ACYP2: variants seen among roughly 807,000 people sequenced by gnomAD.
The protein encoded by ACYP2 is acylphosphatase 2, also known as acylphosphatase-2.
Under a neutral mutation model 11.2 loss-of-function variants are expected in ACYP2, and 12 were observed. The ratio of observed to expected loss-of-function variants is 1.08; its 90% confidence interval spans 0.69 to 1.74. The LOEUF (loss-of-function observed/expected upper bound fraction) is 1.74, where lower values mean the gene tolerates loss of function less well. Among genes scored for constraint, ACYP2 ranks in the 40% most tolerant of loss-of-function variants. The pLI is 0.00. For missense variants in ACYP2, 134 were observed against 101.9 expected, an observed-to-expected ratio of 1.31 and a Z score of -1.35; for synonymous variants, 43 against 32.2, an observed-to-expected ratio of 1.33 and a Z score of -1.13.
At chr2:54,124,937 A>C (rs759256367) in intron 4 of ACYP2, among the ~76,000 whole-genome samples, 6 of 152,106 alleles carry the variant, frequency 3.9e-5, no homozygotes, top group Non-Finnish European at 1.5e-5. Context: ...TATTTTTTGT[A>C]GAGATGGGGT....
At chr2:54,128,254 C>T (rs1449931182) in intron 4 of ACYP2, among the ~76,000 whole-genome samples, 1 of 152,186 alleles carries the variant, frequency 6.6e-6, no homozygotes, top group Non-Finnish European at 1.5e-5. Flanking sequence ...AGTCTATCTT[C>T]TTTGATGGAC....
chr2:54,032,068 T>C (rs970501555), intron 2 of ACYP2, among the ~76,000 whole-genome samples: 1 of 152,164 alleles, frequency 6.6e-6, no homozygotes, highest in Non-Finnish European at 1.5e-5. Flanking sequence ...TTCTCCCATT[T>C]TGTAGGTTGC....
intron 4 of ACYP2, among the ~76,000 whole-genome samples, chr2:54,093,601 G>A (rs1442590914): frequency 6.6e-6 from 1 of 152,138 alleles, no homozygotes; most frequent in African/African-American, 2.4e-5. Flanking sequence ...CTCTTTTAGA[G>A]ACTTAGTTTT....
At chr2:54,175,968 G>A (rs369352733) in intron 6 of ACYP2, among the ~76,000 whole-genome samples, 1 of 152,114 alleles carries the variant, frequency 6.6e-6, no homozygotes, top group Non-Finnish European at 1.5e-5. Flanking sequence ...GCCTTGGAGA[G>A]CTCTCACACC....
chr2:54,006,017 T>G (rs1673046241), intron 2 of ACYP2, among the ~76,000 whole-genome samples: 1 of 152,202 alleles, frequency 6.6e-6, no homozygotes. Context: ...TTCATCTCAC[T>G]CTGTCACCCA....
intron 4 of ACYP2, among the ~76,000 whole-genome samples, chr2:54,078,522 G>A (rs1434104431): frequency 6.7e-6 from 1 of 150,014 alleles, no homozygotes; most frequent in African/African-American, 2.5e-5. Context: ...CTCCTCTATT[G>A]TCATCTTGAA....
At chr2:54,300,241 T>C (rs1689671062) in intron 6 of ACYP2, among the ~76,000 whole-genome samples, 1 of 152,230 alleles carries the variant, frequency 6.6e-6, no homozygotes, top group Non-Finnish European at 1.5e-5. Context: ...TTTGCTCGAA[T>C]CTTCAATTCA....
At chr2:54,186,500 TTTGTTG>T (rs964918480) in intron 6 of ACYP2, among the ~76,000 whole-genome samples, 3 of 152,068 alleles carry the variant, frequency 2.0e-5, no homozygotes, top group African/African-American at 4.8e-5. Flanking sequence ...TAAATAGCAT[TTTGTTG>T]TTGTTGTTGT....
intron 6 of ACYP2, among the ~76,000 whole-genome samples, chr2:54,184,707 A>G (rs868552873): frequency 3.9e-5 from 6 of 152,214 alleles, no homozygotes; most frequent in South Asian, 4.1e-4. Context: ...TGGGAAGACA[A>G]TTTACTAGCC....
chr2:54,022,843 T>C (rs1407136152), intron 2 of ACYP2, among the ~76,000 whole-genome samples: 6 of 152,204 alleles, frequency 3.9e-5, no homozygotes, highest in African/African-American at 1.4e-4. Flanking sequence ...GGAATCCGAA[T>C]GGACAGGCCT....
chr2:54,067,783 A>T (rs1676819662), intron 4 of ACYP2, among the ~76,000 whole-genome samples: 1 of 152,228 alleles, frequency 6.6e-6, no homozygotes, highest in Non-Finnish European at 1.5e-5. Context: ...GGGAAAGTAA[A>T]ACATAACAAA....
At chr2:54,199,103 T>C (rs1273498969) in intron 6 of ACYP2, among the ~76,000 whole-genome samples, 1 of 152,236 alleles carries the variant, frequency 6.6e-6, no homozygotes, top group Non-Finnish European at 1.5e-5. Flanking sequence ...CATTGCCTTT[T>C]TTCTGTGCTC....
chr2:54,210,211 C>CTCAGCCA (rs1685276660), intron 6 of ACYP2, among the ~76,000 whole-genome samples: 6 of 150,514 alleles, frequency 4.0e-5, no homozygotes, highest in Non-Finnish European at 7.4e-5. Context: ...CTCTTAAATC[C>CTCAGCCA]TTGATAAAAC....
chr2:54,132,011 A>T (rs1680926061), intron 4 of ACYP2, among the ~76,000 whole-genome samples: 1 of 152,182 alleles, frequency 6.6e-6, no homozygotes, highest in Non-Finnish European at 1.5e-5. Context: ...GTTTACTGCC[A>T]TTGCAAGTGC....
At chr2:54,005,866 C>T (rs1276203197) in intron 2 of ACYP2, among the ~76,000 whole-genome samples, 1 of 152,176 alleles carries the variant, frequency 6.6e-6, no homozygotes, top group East Asian at 1.9e-4. Flanking sequence ...CACCAAATAA[C>T]TTGCTAGAAT....
chr2:54,104,926 C>T (rs1168007653), intron 4 of ACYP2, among the ~76,000 whole-genome samples: 2 of 152,164 alleles, frequency 1.3e-5, no homozygotes, highest in East Asian at 3.8e-4. Context: ...TAACTGTGTC[C>T]ACAGTGTAAC....
At chr2:53,988,054 C>T (rs1391392004) in intron 2 of ACYP2, among the ~76,000 whole-genome samples, 1 of 152,034 alleles carries the variant, frequency 6.6e-6, no homozygotes, top group Non-Finnish European at 1.5e-5. Context: ...ACGTGTCAAA[C>T]TTTTATTTAG....
intron 6 of ACYP2, among the ~76,000 whole-genome samples, chr2:54,216,565 T>C (rs1014707339): frequency 4.7e-5 from 7 of 150,340 alleles, no homozygotes; most frequent in Non-Finnish European, 3.0e-5. Context: ...TGAGACAGAG[T>C]ATCGCTATGT....
At chr2:54,007,962 A>G (rs1453022669) in intron 2 of ACYP2, among the ~76,000 whole-genome samples, 1 of 152,350 alleles carries the variant, frequency 6.6e-6, no homozygotes, top group East Asian at 1.9e-4. Context: ...ACTGTAAACT[A>G]AATTCTTCCC....
Sources: allele counts gnomAD v4.1 joint callset (sites outside exome capture counted in the v4.1 genomes callset), GRCh38; gene constraint gnomAD v4.1.1; transcripts MANE v1.5; gene names NCBI Gene and HGNC (gene_info 2026-07-23, HGNC 2026-07-21).